The following PCDHA9 variants were observed in gnomAD, a reference collection of about 807,000 sequenced individuals.
The protein encoded by PCDHA9 is protocadherin alpha 9, also known as protocadherin alpha-9.
PCDHA9 carries 62 observed loss-of-function variants against 62.0 expected under a neutral mutation model. The ratio of observed to expected loss-of-function variants is 1.00; its 90% CI spans 0.81 to 1.23. PCDHA9 has a LOEUF of 1.23. PCDHA9 is among the 50% of genes most tolerant of loss of function. PCDHA9 has a pLI of 0.00. For synonymous variants in PCDHA9, 557 were observed against 567.6 expected, an observed-to-expected ratio of 0.98 and a Z score of 0.27; for missense variants, 1,205 against 1,249.8, an observed-to-expected ratio of 0.96 and a Z score of 0.54.
rs782333249 is a variant in PCDHA9 at position 140,978,931 on chromosome 5, CTCTT to C, written c.2395-16_2395-13del. On this transcript the variant is annotated splice_polypyrimidine_tract_variant and intron_variant, in intron 1 of 3. Coordinates refer to ENST00000532602, the MANE Select transcript of PCDHA9 (RefSeq NM_031857.2). ...TGTCTTGTCATTTTAACAGAAAACTCTCTTTGTGATTTTGCAGCCACGACAGCCC... is the reference window on the plus strand; with the variant it reads ...TGTCTTGTCATTTTAACAGAAAACTCTGTGATTTTGCAGCCACGACAGCCC... 4.3e-6 allele frequency: 7 copies of C among 1,614,126 alleles called. No individual in the cohort carries two copies. The Admixed American group carries it at 6.7e-5, about 15-fold the overall frequency.
chr5:140,863,699 T>C, intron 1 of PCDHA9: 1 of 299,368 alleles, frequency 3.3e-6, no homozygotes, highest in Non-Finnish European at 6.5e-6. Context: ...GATGCTTTAT[T>C]TAAAGTACAC....
chr5:140,869,973 C>G, intron 1 of PCDHA9: 2 of 1,613,100 alleles, frequency 1.2e-6, no homozygotes, highest in African/African-American at 1.3e-5. Flanking sequence ...ATGGAAGACA[C>G]TTATTTACAC....
At chr5:140,885,064 A>T (rs2060452937) in intron 1 of PCDHA9, among the ~76,000 whole-genome samples, 1 of 152,162 alleles carries the variant, frequency 6.6e-6, no homozygotes, top group Non-Finnish European at 1.5e-5. Context: ...TACCCACAAG[A>T]TATTATTTTA....
chr5:140,877,095 C>G, intron 1 of PCDHA9: 1 of 1,613,330 alleles, frequency 6.2e-7, no homozygotes, highest in Admixed American at 1.7e-5. Flanking sequence ...GCGACGCCGG[C>G]GTGCCGCCTC....
At chr5:140,965,015 C>A (rs187456244) in intron 1 of PCDHA9, among the ~76,000 whole-genome samples, 116 of 152,260 alleles carry the variant, frequency 7.6e-4, no homozygotes, top group Non-Finnish European at 1.2e-3. Context: ...AGGATCACAA[C>A]CTTGGCTCCT....
chr5:140,850,432 G>A lies in PCDHA9; in HGVS notation c.1937G>A (p.Arg646His). 6.3e-7 allele frequency: 1 copy of A among 1,597,826 alleles called. No homozygotes were observed. Among genetic ancestry groups the A allele is most frequent in the Non-Finnish European group, 8.6e-7 (1 of 1,167,640 alleles). Reference protein sequence around the residue: ...ALDETDAPRQRLLVLVKDHGE... With the variant: ...ALDETDAPRQHLLVLVKDHGE... ...GACGAAACGGACGCACCGCGCCAGC[G>A]CCTACTGGTGCTGGTGAAAGACCAC... Residue 646 changes from arginine (R) to histidine (H), a missense_variant, in exon 1 of 4, where the codon CGC becomes CAC. Transcript: ENST00000532602.
At chr5:140,867,282 C>T (rs921833641) in intron 1 of PCDHA9, 6 of 152,010 alleles carry the variant, frequency 3.9e-5, no homozygotes, top group African/African-American at 7.2e-5. Flanking sequence ...ACCTGATGTG[C>T]TTCAAATATC....
Position 140,857,776 on chromosome 5 carries a change from CAGTG to C in PCDHA9, c.2394+6890_2394+6893del, listed in dbSNP as rs1342226765. ...CCGCTGGCAGCGCGGGCGGTGCAGTCAGTGAGCTGGTGCTGCGGTCGGTGGTTGC... is the reference window on the plus strand; with the variant it reads ...CCGCTGGCAGCGCGGGCGGTGCAGTCAGCTGGTGCTGCGGTCGGTGGTTGC... On this transcript the variant is annotated intron_variant, in intron 1 of 3. Coordinates refer to ENST00000532602, the MANE Select transcript of PCDHA9 (RefSeq NM_031857.2). 21 of 1,597,526 alleles carry C rather than the reference CAGTG, an allele frequency of 1.3e-5. No homozygotes were observed. In the Admixed American group the frequency reaches 3.4e-4, roughly 26 times the overall value.
At chr5:140,883,416 G>T in intron 1 of PCDHA9, 1 of 1,614,158 alleles carries the variant, frequency 6.2e-7, no homozygotes, top group Non-Finnish European at 8.5e-7. Context: ...GGCTCAAATG[G>T]ACAGGTCACC....
At chr5:140,956,174 C>T (rs1353306679) in intron 1 of PCDHA9, among the ~76,000 whole-genome samples, 1 of 152,154 alleles carries the variant, frequency 6.6e-6, no homozygotes. Context: ...GCCAGAACTT[C>T]CAATACTATG....
At position 140,903,272 on chromosome 5, in the gene PCDHA9, G is replaced by A. The variant is rs907509606; in HGVS notation, c.2394+52383G>A. Among the ~76,000 whole-genome samples the A allele has an allele frequency of 2.6e-5, 4 of 152,138 alleles. No individual in the cohort carries two copies. The East Asian group carries it at 5.8e-4, about 22-fold the overall frequency. ...TAGTAATTCTTGCAGGAGTGAGGTA[G>A]TGTCTCATTGTGCATTAGGAAATTT... On this transcript the variant is annotated intron_variant, in intron 1 of 3. Transcript: ENST00000532602.
chr5:140,882,859 G>A (rs2059337136), intron 1 of PCDHA9: 1 of 1,614,192 alleles, frequency 6.2e-7, no homozygotes, highest in East Asian at 2.2e-5. Context: ...TTGTACTGAG[G>A]AAAACACTGG....
At chr5:140,869,126 G>A in intron 1 of PCDHA9, 4 of 1,611,734 alleles carry the variant, frequency 2.5e-6, no homozygotes, top group Non-Finnish European at 3.4e-6. Context: ...CAGAGAAGGG[G>A]ATTGGGCACC....
At position 140,875,871 on chromosome 5, in the gene PCDHA9, C is replaced by G. The variant is rs2055892299; in HGVS notation, c.2394+24982C>G. On this transcript the variant is annotated intron_variant, in intron 1 of 3. Transcript: ENST00000532602. ...ACATTAACGACAACCCGCCGGTGTT[C>G]AGAGAAAGGGAACAAAAGGTACCTG... 3 of 1,614,188 alleles carry G rather than the reference C, an allele frequency of 1.9e-6. No individual in the cohort carries two copies. The highest frequency in any genetic ancestry group is 2.5e-6 in the Non-Finnish European group (3 of 1,180,036).
chr5:140,863,219 G>T, intron 1 of PCDHA9: 1 of 1,108,786 alleles, frequency 9.0e-7, no homozygotes. Flanking sequence ...AGCCAAGCGA[G>T]GAAGGTCCCA....
At chr5:140,909,170 G>A (rs1381735874) in intron 1 of PCDHA9, among the ~76,000 whole-genome samples, 1 of 152,188 alleles carries the variant, frequency 6.6e-6, no homozygotes, top group Non-Finnish European at 1.5e-5. Flanking sequence ...AATCAATCAA[G>A]TTCTCTCCAA....
Position 140,850,981 on chromosome 5 carries a change from T to C in PCDHA9, c.2394+92T>C, listed in dbSNP as rs1554145152. ...CCAGGGGCCGTTCAAATAGTTTTATTCATTTTTCTAGAAATCCAGCAGATT... is the reference window on the plus strand; with the variant it reads ...CCAGGGGCCGTTCAAATAGTTTTATCCATTTTTCTAGAAATCCAGCAGATT... On this transcript the variant is annotated intron_variant, in intron 1 of 3. Coordinates refer to ENST00000532602, the MANE Select transcript of PCDHA9 (RefSeq NM_031857.2). 1.3e-5 allele frequency: 19 copies of C among 1,453,220 alleles called. No individual in the cohort carries two copies. In the East Asian group the frequency reaches 4.5e-4, roughly 35 times the overall value. 90.0% of individuals were successfully genotyped at this position (1,453,220 alleles called of 1,614,324 possible). A position where few individuals can be genotyped will look rare whatever the true frequency, so the allele number is the denominator to read the frequency against.
chr5:140,957,709 A>T (rs1321290139), intron 1 of PCDHA9, among the ~76,000 whole-genome samples: 6 of 152,264 alleles, frequency 3.9e-5, no homozygotes, highest in Admixed American at 3.3e-4. Context: ...TGTAGTTTTT[A>T]TTAAGAAAGA....
intron 1 of PCDHA9, chr5:140,868,005 T>C (rs1405523098): frequency 6.6e-6 from 1 of 152,108 alleles, no homozygotes; most frequent in East Asian, 1.9e-4. Flanking sequence ...TATAACTGAA[T>C]TAGATTAAGG....
Sources: gnomAD v4.1 joint callset for allele counts (sites outside exome capture counted in the v4.1 genomes callset) on GRCh38, gnomAD v4.1.1 for gene constraint, MANE v1.5 for transcripts, NCBI Gene and HGNC (gene_info 2026-07-23, HGNC 2026-07-21) for gene names.